The following EYA1 variants were observed in gnomAD, a reference collection of about 807,000 sequenced individuals.
EYA1 encodes protein phosphatase EYA1.
EYA1 carries 16 observed loss-of-function variants against 82.0 expected under a neutral mutation model. That is an observed-to-expected ratio of 0.20 (90% CI 0.13 to 0.30). The LOEUF (loss-of-function observed/expected upper bound fraction) is 0.30. Ranked by LOEUF, EYA1 falls within the 10% of genes least tolerant of loss-of-function variation. The pLI, the probability that EYA1 is intolerant of heterozygous loss-of-function variation, is 1.00. For synonymous variants in EYA1, 261 were observed against 264.4 expected (o/e 0.99, Z 0.12); for missense variants, 633 against 730.7 (o/e 0.87, Z 1.54).
In EYA1 at chr8:71,206,142, A is replaced by T. The variant is rs116686651; in HGVS notation, c.1698+5014T>A. ...AGAAGAATTGCATTTTACTCTAATA[A>T]TTTTTTGAAAAACCATGTAAATTCT... On this transcript the variant is annotated intron_variant, in intron 17 of 17. Transcript: ENST00000340726. Among the ~76,000 whole-genome samples, 951 of 152,268 alleles carry T rather than the reference A, an allele frequency of 6.2e-3. 11 individuals are homozygous for T. Among genetic ancestry groups the T allele is most frequent in the African/African-American group, 0.022 (901 of 41,548 alleles).
intron 2 of EYA1, among the ~76,000 whole-genome samples, chr8:71,384,907 C>A (rs1270568407): frequency 6.6e-6 from 1 of 152,092 alleles, no homozygotes; most frequent in Non-Finnish European, 1.5e-5. Context: ...TAAGACTTTT[C>A]AAAAAGGGAT....
chr8:71,212,466 C>G (rs1808633866), intron 16 of EYA1, among the ~76,000 whole-genome samples: 1 of 152,154 alleles, frequency 6.6e-6, no homozygotes, highest in African/African-American at 2.4e-5. Flanking sequence ...CGGGGAAATG[C>G]TTATGCGTTT....
At chr8:71,500,233 A>G (rs1404896159) in intron 2 of EYA1, among the ~76,000 whole-genome samples, 2 of 152,252 alleles carry the variant, frequency 1.3e-5, no homozygotes, top group Non-Finnish European at 1.5e-5. Context: ...CTTGAAAGAA[A>G]AAAAGATCAA....
intron 2 of EYA1, among the ~76,000 whole-genome samples, chr8:71,396,915 G>C (rs536695107): frequency 6.6e-6 from 1 of 152,226 alleles, no homozygotes; most frequent in African/African-American, 2.4e-5. Context: ...ATTATTGTGT[G>C]GGAGTCTAAA....
chr8:71,273,118 T>C (rs1288359117), intron 9 of EYA1, among the ~76,000 whole-genome samples: 2 of 152,200 alleles, frequency 1.3e-5, no homozygotes, highest in Admixed American at 1.3e-4. Flanking sequence ...TGTTTCTAAA[T>C]CACAGGAGAC....
At chr8:71,208,719 A>AAAG (rs1808141030) in intron 17 of EYA1, among the ~76,000 whole-genome samples, 1 of 128,106 alleles carries the variant, frequency 7.8e-6, no homozygotes, top group Non-Finnish European at 1.6e-5. Context: ...CCTAGAACTT[A>AAAG]AAGTATAATA....
At chr8:71,315,707 G>A (rs1031635729) in intron 7 of EYA1, among the ~76,000 whole-genome samples, 1 of 152,120 alleles carries the variant, frequency 6.6e-6, no homozygotes, top group African/African-American at 2.4e-5. Flanking sequence ...ATCACTTTTT[G>A]TTCTTTATAT....
At chr8:71,531,834 C>T (rs985370568) in intron 2 of EYA1, among the ~76,000 whole-genome samples, 1 of 152,126 alleles carries the variant, frequency 6.6e-6, no homozygotes, top group Non-Finnish European at 1.5e-5. Flanking sequence ...TCCATGATGT[C>T]CTCATGAAGT....
chr8:71,363,601 C>T (rs1827570388), upstream of EYA1, among the ~76,000 whole-genome samples: 1 of 152,158 alleles, frequency 6.6e-6, no homozygotes, highest in Admixed American at 6.5e-5. Flanking sequence ...CCACCTACTG[C>T]ACTTTCTCAG....
intron 2 of EYA1, among the ~76,000 whole-genome samples, chr8:71,428,694 C>T (rs1467060407): frequency 6.6e-6 from 1 of 152,136 alleles, no homozygotes; most frequent in Non-Finnish European, 1.5e-5. Flanking sequence ...GAGGTGCATT[C>T]AAGTGTTCAT....
rs1822053443 is a variant in EYA1 at position 71,317,520 on chromosome 8, G to A, written c.556+32C>T. ...TAGAAGTTAACTATCAACCTACAGG[G>A]TTAAGGAAAATAGCAATGTGTATAT... is the stretch of plus-strand genomic sequence containing the variant. On this transcript the variant is annotated intron_variant, in intron 7 of 17. Coordinates refer to ENST00000340726, the MANE Select transcript of EYA1 (RefSeq NM_000503.6). 3 of 1,611,846 alleles carry A rather than the reference G, an allele frequency of 1.9e-6. No homozygotes were observed. In the Admixed American group the frequency reaches 5.0e-5, roughly 27 times the overall value.
chr8:71,374,644 G>A (rs528795826), intron 2 of EYA1, among the ~76,000 whole-genome samples: 25 of 152,162 alleles, frequency 1.6e-4, no homozygotes, highest in Non-Finnish European at 3.4e-4. Flanking sequence ...CAATCCCTTT[G>A]CTGGGTATAC....
chr8:71,213,014 G>T (rs956335614), intron 16 of EYA1, among the ~76,000 whole-genome samples: 2 of 152,054 alleles, frequency 1.3e-5, no homozygotes, highest in African/African-American at 4.8e-5. Flanking sequence ...GGAGGCACAG[G>T]CTGAGATGGT....
chr8:71,286,444 G>A (rs1818367978), intron 9 of EYA1, among the ~76,000 whole-genome samples: 1 of 152,166 alleles, frequency 6.6e-6, no homozygotes, highest in Non-Finnish European at 1.5e-5. Context: ...AAAATATCTG[G>A]AGGCATGGAG....
intron 2 of EYA1, among the ~76,000 whole-genome samples, chr8:71,412,234 T>TGGGGGGA (rs1830636227): frequency 1.5e-5 from 1 of 64,662 alleles, no homozygotes; most frequent in African/African-American, 6.0e-5. Flanking sequence ...TGTGGTGGGG[T>TGGGGGGA]GGGGGGAGGG....
chr8:71,267,764 G>A (rs1399136769), intron 11 of EYA1, among the ~76,000 whole-genome samples: 2 of 151,946 alleles, frequency 1.3e-5, no homozygotes, highest in South Asian at 2.1e-4. Flanking sequence ...TAGCCAGGAT[G>A]GTCTCGATCT....
At chr8:71,261,320 C>A (rs959052036) in intron 11 of EYA1, among the ~76,000 whole-genome samples, 1 of 152,090 alleles carries the variant, frequency 6.6e-6, no homozygotes, top group African/African-American at 2.4e-5. Context: ...AGGTTTAAGG[C>A]CCTATCACTG....
At chr8:71,540,950 T>C (rs1400300941) in intron 1 of EYA1, among the ~76,000 whole-genome samples, 1 of 152,136 alleles carries the variant, frequency 6.6e-6, no homozygotes, top group Non-Finnish European at 1.5e-5. Context: ...TCAAGGGGTT[T>C]CTAAGAAAAT....
At chr8:71,283,529 CTT>C (rs3086593) in intron 9 of EYA1, among the ~76,000 whole-genome samples, 13,239 of 147,510 alleles carry the variant, frequency 0.09, 1,019 homozygotes, top group East Asian at 0.43. Context: ...GCTCGTTAAA[CTT>C]TTTTTTTTTT....
Sources: allele counts gnomAD v4.1 joint callset (sites outside exome capture counted in the v4.1 genomes callset), GRCh38; gene constraint gnomAD v4.1.1; transcripts MANE v1.5; gene names NCBI Gene and HGNC (gene_info 2026-07-23, HGNC 2026-07-21).